The following KCTD16 variants were observed in gnomAD, a reference collection of about 807,000 sequenced individuals.
The protein encoded by KCTD16 is potassium channel tetramerization domain containing 16, also known as BTB/POZ domain-containing protein KCTD16.
KCTD16 carries 13 observed loss-of-function variants against 33.2 expected under a neutral mutation model. That is an observed-to-expected ratio of 0.39 (90% CI 0.25 to 0.62). KCTD16 has a LOEUF of 0.62. KCTD16 is among the 20% of genes least tolerant of loss of function. KCTD16 has a pLI of 0.50. For missense variants in KCTD16, 441 were observed against 525.1 expected (o/e 0.84, Z 1.57); for synonymous variants, 197 against 195.3 (o/e 1.01, Z -0.07).
intron 3 of KCTD16, among the ~76,000 whole-genome samples, chr5:144,249,535 G>A (rs1270802259): frequency 2.0e-5 from 3 of 152,072 alleles, no homozygotes; most frequent in Non-Finnish European, 1.5e-5. Flanking sequence ...GTTAACGGGG[G>A]TAGGAAGGAA....
chr5:144,234,305 A>G (rs577182377), intron 3 of KCTD16, among the ~76,000 whole-genome samples: 1 of 152,244 alleles, frequency 6.6e-6, no homozygotes, highest in Admixed American at 6.6e-5. Context: ...ACTTCATAAG[A>G]GAAAGTTCAG....
chr5:144,450,002 G>A (rs997485078), intron 3 of KCTD16, among the ~76,000 whole-genome samples: 1 of 151,974 alleles, frequency 6.6e-6, no homozygotes, highest in African/African-American at 2.4e-5. Flanking sequence ...TTAGCAGAGT[G>A]AAAAGGCAAC....
intron 3 of KCTD16, among the ~76,000 whole-genome samples, chr5:144,231,654 T>TG (rs1754106603): frequency 6.6e-6 from 1 of 152,124 alleles, no homozygotes; most frequent in Non-Finnish European, 1.5e-5. Context: ...AATTGAATTA[T>TG]GGGGGTGGTT....
chr5:144,301,981 G>A (rs1051595334), intron 3 of KCTD16, among the ~76,000 whole-genome samples: 2 of 151,890 alleles, frequency 1.3e-5, no homozygotes, highest in African/African-American at 4.8e-5. Context: ...AATAGTTTTG[G>A]GATATTTTCT....
intron 3 of KCTD16, among the ~76,000 whole-genome samples, chr5:144,284,350 T>C (rs1397131683): frequency 1.3e-5 from 2 of 152,168 alleles, no homozygotes; most frequent in African/African-American, 2.4e-5. Context: ...ACAAGAGCTA[T>C]CCACTATGTA....
At chr5:144,311,729 G>A (rs904822416) in intron 3 of KCTD16, among the ~76,000 whole-genome samples, 1 of 151,396 alleles carries the variant, frequency 6.6e-6, no homozygotes, top group African/African-American at 2.5e-5. Context: ...TATAAATACA[G>A]GTATATGAAG....
Position 144,206,746 on chromosome 5 carries a change from A to T in KCTD16, c.32A>T (p.Tyr11Phe), listed in dbSNP as rs775143754. The change falls in exon 3 of 4, where the codon TAT becomes TTT. Residue 11 changes from tyrosine to phenylalanine, a missense_variant. Physicochemically the swap from Tyr to Phe is conservative, Grantham distance 22. This residue lies in a region of KCTD16 where 80 missense variants were observed against 88.5 expected (regional missense o/e 0.90). Transcript: ENST00000512467. Reference sequence around the variant, plus strand: ...CTGAGTGGAAACTGTAGTCGTTATTATCCTCGAGAACAAGGGTCCGCAGTT... The same window carrying T: ...CTGAGTGGAAACTGTAGTCGTTATTTTCCTCGAGAACAAGGGTCCGCAGTT... Reference protein sequence around the residue: MALSGNCSRYYPREQGSAVPN... With the variant: MALSGNCSRYFPREQGSAVPN... 27 of 1,613,992 alleles carry T rather than the reference A, an allele frequency of 1.7e-5. No homozygotes were observed. Among genetic ancestry groups the T allele is most frequent in the Non-Finnish European group, 2.3e-5 (27 of 1,179,938 alleles).
At chr5:144,209,882 G>GTA (rs1193713462) in intron 3 of KCTD16, among the ~76,000 whole-genome samples, 5 of 143,062 alleles carry the variant, frequency 3.5e-5, no homozygotes, top group African/African-American at 1.0e-4. Flanking sequence ...GTGTATGTAT[G>GTA]TATATATATG....
At chr5:144,464,942 T>G (rs1240911120) in intron 3 of KCTD16, among the ~76,000 whole-genome samples, 1 of 152,142 alleles carries the variant, frequency 6.6e-6, no homozygotes, top group Non-Finnish European at 1.5e-5. Context: ...AAAAAGAAAG[T>G]CTTTTAGATC....
chr5:144,446,274 C>A (rs1472774280), intron 3 of KCTD16, among the ~76,000 whole-genome samples: 2 of 151,692 alleles, frequency 1.3e-5, no homozygotes, highest in East Asian at 3.9e-4. Context: ...CTTTTTAAAA[C>A]ACAAGTCTAT....
chr5:144,307,321 C>G (rs1751629074), intron 3 of KCTD16, among the ~76,000 whole-genome samples: 1 of 152,158 alleles, frequency 6.6e-6, no homozygotes, highest in South Asian at 2.1e-4. Flanking sequence ...GAGCAGTGGC[C>G]TCGCTCACAG....
At chr5:144,412,790 G>T (rs968672205) in intron 3 of KCTD16, among the ~76,000 whole-genome samples, 1 of 152,118 alleles carries the variant, frequency 6.6e-6, no homozygotes, top group South Asian at 2.1e-4. Context: ...GGTAGCTGAG[G>T]CACGAGAGTC....
At chr5:144,456,204 A>ATC (rs1561614670) in intron 3 of KCTD16, among the ~76,000 whole-genome samples, 2 of 150,628 alleles carry the variant, frequency 1.3e-5, no homozygotes, top group African/African-American at 4.9e-5. Context: ...CCCCTCACAA[A>ATC]CCCCCCCCAA....
intron 3 of KCTD16, among the ~76,000 whole-genome samples, chr5:144,469,498 A>C (rs1754422392): frequency 6.6e-6 from 1 of 152,214 alleles, no homozygotes; most frequent in African/African-American, 2.4e-5. Flanking sequence ...CCTTATATGG[A>C]ATAGCGTCAG....
chr5:144,192,436 G>A (rs1286102182), intron 2 of KCTD16, among the ~76,000 whole-genome samples: 4 of 152,210 alleles, frequency 2.6e-5, no homozygotes. Context: ...ATTTTGTCAT[G>A]AGGTTTCACT....
intron 3 of KCTD16, among the ~76,000 whole-genome samples, chr5:144,239,505 A>G (rs1754343723): frequency 2.0e-5 from 3 of 152,102 alleles, no homozygotes; most frequent in East Asian, 1.9e-4. Context: ...TTCTTCTTCA[A>G]AGGGCTTTTA....
At chr5:144,348,259 A>G (rs1405643801) in intron 3 of KCTD16, among the ~76,000 whole-genome samples, 1 of 152,212 alleles carries the variant, frequency 6.6e-6, no homozygotes, top group Non-Finnish European at 1.5e-5. Flanking sequence ...ACAGCACCAC[A>G]AAGCACTTGA....
intron 3 of KCTD16, among the ~76,000 whole-genome samples, chr5:144,429,647 C>G (rs1250821242): frequency 6.6e-6 from 1 of 152,088 alleles, no homozygotes; most frequent in African/African-American, 2.4e-5. Context: ...ATTGACATTA[C>G]CATGAGGGCC....
chr5:144,376,256 T>C (rs1195965248), intron 3 of KCTD16, among the ~76,000 whole-genome samples: 1 of 152,216 alleles, frequency 6.6e-6, no homozygotes, highest in African/African-American at 2.4e-5. Flanking sequence ...TAACTCATTA[T>C]AGATATATGT....
Sources: gnomAD v4.1 joint callset for allele counts (sites outside exome capture counted in the v4.1 genomes callset) on GRCh38, gnomAD v4.1.1 for gene constraint, gnomAD v4.1.1 regional missense constraint, MANE v1.5 for transcripts, NCBI Gene and HGNC (gene_info 2026-07-23, HGNC 2026-07-21) for gene names.